MSR1: variants seen among roughly 807,000 people sequenced by gnomAD.
MSR1 encodes the protein macrophage scavenger receptor types I and II.
In MSR1, 53 loss-of-function variants were observed where a neutral mutation model predicts 47.2. The observed-to-expected ratio is 1.12, with a 90% confidence interval of 0.90 to 1.41. The LOEUF is 1.41. MSR1 is among the 40% of genes most tolerant of loss of function. The pLI, the probability that MSR1 is intolerant of heterozygous loss-of-function variation, is 0.00. For missense variants in MSR1, 786 were observed against 546.9 expected (o/e 1.44, Z -4.36); for synonymous variants, 239 against 185.6 (o/e 1.29, Z -2.34).
chr8:16,184,829 G>A (rs1399745523), intron 1 of MSR1, among the ~76,000 whole-genome samples: 1 of 151,864 alleles, frequency 6.6e-6, no homozygotes, highest in Non-Finnish European at 1.5e-5. Flanking sequence ...ATATAGAAGT[G>A]ATAATAAATA....
chr8:16,155,490 T>A (rs781369220), intron 5 of MSR1, among the ~76,000 whole-genome samples: 103 of 151,956 alleles, frequency 6.8e-4, no homozygotes, highest in Non-Finnish European at 1.3e-3. Flanking sequence ...CAGTTAGACA[T>A]AGAGTTAGAT....
chr8:16,171,859 T>C (rs770113088), intron 3 of MSR1, among the ~76,000 whole-genome samples: 20 of 152,184 alleles, frequency 1.3e-4, no homozygotes, highest in Admixed American at 5.9e-4. Flanking sequence ...AGTTACTTAA[T>C]CTGTTATTGC....
intron 9 of MSR1, among the ~76,000 whole-genome samples, chr8:16,112,940 T>A (rs917603690): frequency 1.5e-5 from 2 of 131,190 alleles, no homozygotes; most frequent in Non-Finnish European, 3.1e-5. Context: ...ATATTTTTTT[T>A]AAGTTTTTTT....
At chr8:16,127,336 T>C (rs1415295382) in intron 8 of MSR1, among the ~76,000 whole-genome samples, 1 of 152,118 alleles carries the variant, frequency 6.6e-6, no homozygotes, top group Admixed American at 6.6e-5. Flanking sequence ...ATCATTCGCA[T>C]TATGGAAGAA....
intron 4 of MSR1, among the ~76,000 whole-genome samples, chr8:16,165,083 C>A: frequency 6.6e-6 from 1 of 152,036 alleles, no homozygotes; most frequent in East Asian, 1.9e-4. Context: ...CTAAACAATG[C>A]TGCCATGAAC....
At chr8:16,187,049 C>G (rs182866393) in intron 1 of MSR1, among the ~76,000 whole-genome samples, 21 of 152,034 alleles carry the variant, frequency 1.4e-4, no homozygotes, top group African/African-American at 4.1e-4. Flanking sequence ...CCCCTGAATG[C>G]CTTCTCGTCT....
At chr8:16,160,314 A>C (rs1801127193) in intron 5 of MSR1, among the ~76,000 whole-genome samples, 1 of 152,060 alleles carries the variant, frequency 6.6e-6, no homozygotes, top group South Asian at 2.1e-4. Context: ...GGGAGATATA[A>C]AATAATTAAA....
At chr8:16,110,335 T>C (rs1211934348) in intron 9 of MSR1, 117 bp from the exon 10 acceptor site, 26 of 1,181,654 alleles carry the variant, frequency 2.2e-5, no homozygotes, top group Non-Finnish European at 3.1e-5. Flanking sequence ...TTATTTTCTG[T>C]ATGCAAGTTC....
At chr8:16,140,149 A>G in intron 8 of MSR1, 2 of 984,994 alleles carry the variant, frequency 2.0e-6, no homozygotes. Context: ...TAATGTTTGA[A>G]TATAAAGAAC....
intron 8 of MSR1, among the ~76,000 whole-genome samples, chr8:16,130,032 T>C (rs1052465066): frequency 6.6e-6 from 1 of 152,116 alleles, no homozygotes; most frequent in African/African-American, 2.4e-5. Flanking sequence ...CATAATTGCA[T>C]GAATTTCCAC....
chr8:16,137,854 T>C (rs1285412807), intron 8 of MSR1, among the ~76,000 whole-genome samples: 1 of 151,876 alleles, frequency 6.6e-6, no homozygotes, highest in East Asian at 1.9e-4. Flanking sequence ...TAGCCAAGCA[T>C]GGTGGTGTGT....
intron 5 of MSR1, among the ~76,000 whole-genome samples, chr8:16,160,505 A>C (rs1487552626): frequency 2.6e-5 from 4 of 152,046 alleles, no homozygotes; most frequent in African/African-American, 4.8e-5. Context: ...ACTTAACCTC[A>C]CAGAGCTCAC....
intron 2 of MSR1, 54 bp from the exon 3 acceptor site, chr8:16,175,354 A>T: frequency 1.4e-6 from 2 of 1,410,246 alleles, no homozygotes; most frequent in Middle Eastern, 3.6e-4. Flanking sequence ...CTTCTTCCAT[A>T]ATTAAAATTG....
intron 3 of MSR1, among the ~76,000 whole-genome samples, 167 bp downstream of exon 3, chr8:16,175,020 C>T (rs1440502210): frequency 1.3e-5 from 2 of 151,894 alleles, no homozygotes; most frequent in African/African-American, 4.8e-5. Flanking sequence ...TTCTACTTAA[C>T]TTTGCGGAAT....
At chr8:16,155,012 T>G in intron 6 of MSR1, 52 bp downstream of exon 6, 2 of 1,426,364 alleles carry the variant, frequency 1.4e-6, no homozygotes. Flanking sequence ...TGTACCTGGA[T>G]GTATATCATC....
chr8:16,159,458 A>T (rs1056574899), intron 5 of MSR1, among the ~76,000 whole-genome samples: 7 of 152,094 alleles, frequency 4.6e-5, no homozygotes, highest in African/African-American at 7.2e-5. Flanking sequence ...GAAATGTATT[A>T]AAAAATCTTT....
At chr8:16,115,443 C>T (rs1304928009) in intron 9 of MSR1, among the ~76,000 whole-genome samples, 1 of 152,076 alleles carries the variant, frequency 6.6e-6, no homozygotes, top group Admixed American at 6.6e-5. Context: ...TTTTAAATAG[C>T]TTTCCATAAA....
chr8:16,161,948 T>C (rs1444151756), intron 5 of MSR1, among the ~76,000 whole-genome samples: 1 of 151,942 alleles, frequency 6.6e-6, no homozygotes, highest in Non-Finnish European at 1.5e-5. Flanking sequence ...TTAACAGACA[T>C]GGAAGCTGGA....
chr8:16,147,801 C>T (rs1251908955), intron 7 of MSR1, among the ~76,000 whole-genome samples: 1 of 152,090 alleles, frequency 6.6e-6, no homozygotes, highest in Non-Finnish European at 1.5e-5. Flanking sequence ...TATGTTTTGT[C>T]AAGGGACTTA....
Sources: allele counts gnomAD v4.1 joint callset (sites outside exome capture counted in the v4.1 genomes callset), GRCh38; gene constraint gnomAD v4.1.1; transcripts MANE v1.5; gene names NCBI Gene and HGNC (gene_info 2026-07-23, HGNC 2026-07-21).